NAV2: variants seen among roughly 807,000 people sequenced by gnomAD.
NAV2 encodes the protein helicase, APC down-regulated 1.
In NAV2, 54 loss-of-function variants were observed where a neutral mutation model predicts 223.2. That is an observed-to-expected ratio of 0.24 (90% CI 0.19 to 0.30). NAV2 has a LOEUF of 0.30. Ranked by LOEUF, NAV2 falls within the 10% of genes least tolerant of loss-of-function variation. The pLI, the probability that NAV2 is intolerant of heterozygous loss-of-function variation, is 1.00. For synonymous variants in NAV2, 1,279 were observed against 1,239.3 expected, an observed-to-expected ratio of 1.03 and a Z score of -0.67; for missense variants, 2,806 against 3,147.5, an observed-to-expected ratio of 0.89 and a Z score of 2.60.
At chr11:19,443,890 A>G (rs1851490718) in intron 1 of NAV2, among the ~76,000 whole-genome samples, 1 of 152,154 alleles carries the variant, frequency 6.6e-6, no homozygotes, top group African/African-American at 2.4e-5. Context: ...ATGCGTAGTG[A>G]GTGTTCAATA....
At chr11:19,558,471 A>T (rs7113364) in intron 1 of NAV2, among the ~76,000 whole-genome samples, 2 of 152,148 alleles carry the variant, frequency 1.3e-5, no homozygotes, top group African/African-American at 4.8e-5. Context: ...ATCAGGTTCA[A>T]GAGGTTGAAA....
intron 12 of NAV2, among the ~76,000 whole-genome samples, chr11:20,038,958 A>G (rs894432003): frequency 6.6e-6 from 1 of 152,186 alleles, no homozygotes; most frequent in Admixed American, 6.5e-5. Context: ...TTTGTCTGTG[A>G]GGGACTCCGC....
chr11:19,714,155 CGG>C, intron 1 of NAV2, 193 bp downstream of exon 1: 1 of 806,512 alleles, frequency 1.2e-6, no homozygotes, highest in South Asian at 1.6e-5. Context: ...GCCCGGGTGC[CGG>C]AGGTTTGCCT....
At chr11:19,583,910 T>G (rs978518042) in intron 1 of NAV2, among the ~76,000 whole-genome samples, 1 of 152,226 alleles carries the variant, frequency 6.6e-6, no homozygotes, top group African/African-American at 2.4e-5. Flanking sequence ...TTAGGGAGGA[T>G]TCCCTCTTTT....
At chr11:19,742,356 T>C (rs1051929146) in intron 1 of NAV2, among the ~76,000 whole-genome samples, 5 of 152,238 alleles carry the variant, frequency 3.3e-5, no homozygotes, top group African/African-American at 1.2e-4. Context: ...TTTGTGAGAA[T>C]TAAAGAAGAC....
At chr11:19,884,173 G>T (rs998295166) in intron 5 of NAV2, 58 of 670,226 alleles carry the variant, frequency 8.7e-5, no homozygotes, top group Non-Finnish European at 3.9e-5. Context: ...AGAAAACAGT[G>T]GGCAGGGGGG....
intron 8 of NAV2, among the ~76,000 whole-genome samples, chr11:19,942,376 T>C (rs1365295422): frequency 6.6e-6 from 1 of 152,154 alleles, no homozygotes; most frequent in East Asian, 1.9e-4. Context: ...AACAGGACAC[T>C]CATATTTACT....
At chr11:20,095,477 C>A (rs2061184479) in intron 29 of NAV2, among the ~76,000 whole-genome samples, 195 bp from the exon 30 acceptor site, 1 of 152,190 alleles carries the variant, frequency 6.6e-6, no homozygotes, top group South Asian at 2.1e-4. Flanking sequence ...TCTTGGACCG[C>A]TGTTTTAGCA....
At chr11:19,753,117 C>G (rs2053965402) in intron 1 of NAV2, among the ~76,000 whole-genome samples, 1 of 152,184 alleles carries the variant, frequency 6.6e-6, no homozygotes, top group Admixed American at 6.5e-5. Context: ...TCTCAGACTT[C>G]CAGCCTCCAG....
rs78475851 is a variant in NAV2, at chr11:19,863,032, C to A, written c.439-5893C>A. Among the ~76,000 whole-genome samples, 826 of 152,184 alleles carry A rather than the reference C, an allele frequency of 5.4e-3. 12 individuals carry two copies. Among genetic ancestry groups the A allele is most frequent in the African/African-American group, 0.019 (776 of 41,522 alleles). On this transcript the variant is annotated intron_variant, in intron 3 of 37. Transcript: ENST00000349880. Reference sequence around the variant, plus strand: ...ATGTGACCACAAATGTTGATATCTGCCTCCCATCCCACCCCTTCTTTGTGA... The same window carrying A: ...ATGTGACCACAAATGTTGATATCTGACTCCCATCCCACCCCTTCTTTGTGA...
rs116076609 is a variant in NAV2 at position 19,636,324 on chromosome 11, G to A, written c.76-196160G>A. 1.8e-3 allele frequency among the ~76,000 whole-genome samples: 277 copies of A among 152,224 alleles called. 1 individual carries two copies. Among genetic ancestry groups the A allele is most frequent in the African/African-American group, 6.5e-3 (268 of 41,526 alleles). Reference sequence around the variant, plus strand: ...CCTACAAAGCGGCTCTTGGTCTGTAGCTGACTATACTCAAACCACCTTCTG... The same window carrying A: ...CCTACAAAGCGGCTCTTGGTCTGTAACTGACTATACTCAAACCACCTTCTG... On this transcript the variant is annotated intron_variant, in intron 1 of 37. Coordinates refer to the NAV2 transcript ENST00000360655.
chr11:19,890,768 ACT>A (rs1278866519), intron 5 of NAV2, among the ~76,000 whole-genome samples: 1 of 152,192 alleles, frequency 6.6e-6, no homozygotes, highest in Non-Finnish European at 1.5e-5. Context: ...CTAAGATCCC[ACT>A]GCTGGACCTC....
At chr11:20,051,706 G>A (rs186711465) in intron 17 of NAV2, among the ~76,000 whole-genome samples, 12 of 152,286 alleles carry the variant, frequency 7.9e-5, no homozygotes, top group African/African-American at 2.9e-4. Context: ...ATGACTTATA[G>A]CATACTGATT....
chr11:19,986,705 A>G (rs2050826798), intron 11 of NAV2, among the ~76,000 whole-genome samples: 1 of 152,218 alleles, frequency 6.6e-6, no homozygotes, highest in Non-Finnish European at 1.5e-5. Context: ...AAGACATAGG[A>G]TTTGCAAAAG....
chr11:19,427,567 T>G (rs1375094917), intron 1 of NAV2, among the ~76,000 whole-genome samples: 1 of 152,184 alleles, frequency 6.6e-6, no homozygotes, highest in Non-Finnish European at 1.5e-5. Context: ...TGACTTGAAG[T>G]CAAATGGCTT....
At chr11:19,838,092 C>T (rs1363664634) in intron 2 of NAV2, among the ~76,000 whole-genome samples, 1 of 152,132 alleles carries the variant, frequency 6.6e-6, no homozygotes, top group African/African-American at 2.4e-5. Context: ...GGGGAATTCT[C>T]TATACTATTC....
chr11:19,550,040 A>T (rs575953927), intron 1 of NAV2, among the ~76,000 whole-genome samples: 2 of 152,192 alleles, frequency 1.3e-5, no homozygotes, highest in Non-Finnish European at 2.9e-5. Context: ...GAGGGAGGAC[A>T]TATGTGGAGG....
chr11:19,469,506 A>G (rs772774869), intron 1 of NAV2, among the ~76,000 whole-genome samples: 2 of 152,180 alleles, frequency 1.3e-5, no homozygotes, highest in Admixed American at 6.5e-5. Context: ...ATCCACCAGA[A>G]CCATTTTCCC....
chr11:19,467,016 CACAGAG>C (rs1298523478), intron 1 of NAV2, among the ~76,000 whole-genome samples: 7,412 of 88,780 alleles, frequency 0.083, 219 homozygotes, highest in Non-Finnish European at 0.13. Context: ...CACACACACA[CACAGAG>C]AGAGAGAGAG....
Sources: gnomAD v4.1 joint callset for allele counts (sites outside exome capture counted in the v4.1 genomes callset) on GRCh38, gnomAD v4.1.1 for gene constraint, MANE v1.5 for transcripts, NCBI Gene and HGNC (gene_info 2026-07-23, HGNC 2026-07-21) for gene names.